The following WFS1 variants were observed in gnomAD, a reference collection of about 807,000 sequenced individuals.
The protein encoded by WFS1 is wolframin ER transmembrane glycoprotein.
WFS1 carries 90 observed loss-of-function variants against 68.5 expected under a neutral mutation model. The ratio of observed to expected loss-of-function variants is 1.31; its 90% CI spans 1.11 to 1.56. WFS1 has a LOEUF of 1.56. WFS1 is among the 40% of genes most tolerant of loss of function. The pLI, the probability that WFS1 is intolerant of heterozygous loss-of-function variation, is 0.00. For synonymous variants in WFS1, 860 were observed against 540.7 expected, an observed-to-expected ratio of 1.59 and a Z score of -8.19; for missense variants, 1,767 against 1,232.6, an observed-to-expected ratio of 1.43 and a Z score of -6.49.
rs1730043926 is a variant in WFS1 at position 6,277,801 on chromosome 4, T to C, written c.232+114T>C. On this transcript the variant is annotated intron_variant, in intron 2 of 7. Coordinates refer to ENST00000226760, the MANE Select transcript of WFS1 (RefSeq NM_006005.3). Reference sequence around the variant, plus strand: ...CGCCAGGTCCTCTGCAGTTCAGCATTGTGCAGCTCCCATGCTGTGCACAGG... The same window carrying C: ...CGCCAGGTCCTCTGCAGTTCAGCATCGTGCAGCTCCCATGCTGTGCACAGG... 5.8e-6 allele frequency: 7 copies of C among 1,207,556 alleles called. No individual in the cohort carries two copies. The Admixed American group carries it at 9.9e-5, about 17-fold the overall frequency. The allele number at this position is 1,207,556 out of a possible 1,614,324, so 74.8% of individuals were successfully genotyped here. A position where few individuals can be genotyped will look rare whatever the true frequency, so the allele number is the denominator to read the frequency against.
At chr4:6,291,550 G>A (rs1730465383) in intron 5 of WFS1, among the ~76,000 whole-genome samples, 183 bp downstream of exon 5, 1 of 152,194 alleles carries the variant, frequency 6.6e-6, no homozygotes, top group African/African-American at 2.4e-5. Context: ...CCTTCCTGTA[G>A]AGACCGTGCC....
chr4:6,292,062 C>T, intron 6 of WFS1, 65 bp downstream of exon 6: 1 of 1,494,060 alleles, frequency 6.7e-7, no homozygotes, highest in South Asian at 1.2e-5. Flanking sequence ...GCGACCTCTC[C>T]TTCCTGTGCG....
chr4:6,275,549 G>C (rs536752995), intron 1 of WFS1, among the ~76,000 whole-genome samples: 5 of 140,490 alleles, frequency 3.6e-5, no homozygotes, highest in African/African-American at 1.1e-4. Context: ...ATGCACCCGG[G>C]GGTGCTTGAC....
At position 6,291,234 on chromosome 4, in the gene WFS1, C is replaced by T. The variant is rs758731318; in HGVS notation, c.498C>T (p.Leu166=). The change falls in exon 5 of 8, where the codon CTC becomes CTT. Residue 166 remains leucine (L), a synonymous_variant. Coordinates refer to ENST00000226760, the MANE Select transcript of WFS1 (RefSeq NM_006005.3). The part of the protein sequence containing the change: ...TSENEREVRQ[L]SSETDLERAV... Reference sequence around the variant, plus strand: ...AGAACGAACGGGAGGTGAGGCAGCTCTCCTCCGAGACCGACCTGGAGAGGG... The same window carrying T: ...AGAACGAACGGGAGGTGAGGCAGCTTTCCTCCGAGACCGACCTGGAGAGGG... 1.2e-6 allele frequency: 2 copies of T among 1,613,078 alleles called. No homozygotes were observed. Among genetic ancestry groups the T allele is most frequent in the South Asian group, 1.1e-5 (1 of 91,060 alleles).
At chr4:6,270,977 C>T (rs944853993) in intron 1 of WFS1, among the ~76,000 whole-genome samples, 6 of 152,212 alleles carry the variant, frequency 3.9e-5, no homozygotes, top group Non-Finnish European at 5.9e-5. Flanking sequence ...CCCCGTCTCT[C>T]CTCACCTTGG....
intron 2 of WFS1, among the ~76,000 whole-genome samples, chr4:6,278,297 G>T (rs576104871): frequency 3.9e-5 from 6 of 152,220 alleles, no homozygotes; most frequent in African/African-American, 1.4e-4. Context: ...AGGCTTGTTG[G>T]TTCCTGGGTG....
At chr4:6,294,987 G>A in intron 6 of WFS1, 54 bp from the exon 7 acceptor site, 2 of 1,612,166 alleles carry the variant, frequency 1.2e-6, no homozygotes, top group Non-Finnish European at 1.7e-6. Context: ...CTGTGTGAGG[G>A]TGGCAGTGGG....
chr4:6,291,443 G>A, intron 5 of WFS1, 76 bp downstream of exon 5: 1 of 1,557,348 alleles, frequency 6.4e-7, no homozygotes, highest in Non-Finnish European at 8.7e-7. Flanking sequence ...TTCCCATAGG[G>A]GCTGGGACCT....
chr4:6,276,547 G>A (rs1285265767), intron 1 of WFS1, among the ~76,000 whole-genome samples: 1 of 152,076 alleles, frequency 6.6e-6, no homozygotes, highest in Admixed American at 6.5e-5. Context: ...CTGGGGTGGG[G>A]GCTGTGGAGC....
At chr4:6,292,617 C>T (rs989703291) in intron 6 of WFS1, among the ~76,000 whole-genome samples, 9 of 152,200 alleles carry the variant, frequency 5.9e-5, no homozygotes, top group East Asian at 5.8e-4. Context: ...CTTCCATCCA[C>T]GTGGGGTAGA....
In WFS1 at chr4:6,302,278, T is replaced by G; in HGVS notation, c.2483T>G (p.Ile828Ser). 1 of 1,605,916 alleles carries G rather than the reference T, an allele frequency of 6.2e-7. No homozygotes were observed. The highest frequency in any genetic ancestry group is 1.1e-5 in the South Asian group (1 of 90,918). ...GGCAGCCTCATCGAGTTCAGCACCA[T>G]CCTGGAGGGCCGCCTGGGCAGCAAG... ...RQGSLIEFST[I>S]LEGRLGSKWP... The change falls in exon 8 of 8, where the codon ATC becomes AGC. Residue 828 changes from isoleucine to serine, a missense_variant. By Grantham distance (142) the Ile-to-Ser change is moderately radical (BLOSUM62 -2). Coordinates refer to ENST00000226760, the MANE Select transcript of WFS1 (RefSeq NM_006005.3).
At chr4:6,299,214 C>G (rs982536209) in intron 7 of WFS1, among the ~76,000 whole-genome samples, 1 of 152,242 alleles carries the variant, frequency 6.6e-6, no homozygotes, top group Non-Finnish European at 1.5e-5. Context: ...GGCATGAGGG[C>G]TGGCCCTGGG....
chr4:6,294,368 T>G (rs1730564614), intron 6 of WFS1, among the ~76,000 whole-genome samples: 1 of 151,786 alleles, frequency 6.6e-6, no homozygotes, highest in Non-Finnish European at 1.5e-5. Flanking sequence ...AGGCTCTTGG[T>G]GGAAGATGTT....
At position 6,301,030 on chromosome 4, in the gene WFS1, T is replaced by C. The variant is rs144951440; in HGVS notation, c.1235T>C (p.Val412Ala). 2.6e-4 allele frequency: 421 copies of C among 1,614,094 alleles called. 1 individual carries two copies. The East Asian group carries it at 8.7e-3, about 33-fold the overall frequency. Residue 412 changes from valine to alanine, a missense_variant, in exon 8 of 8, where the codon GTC becomes GCC. Physicochemically the swap from Val to Ala is moderately conservative, Grantham distance 64 (BLOSUM62 0). Coordinates refer to ENST00000226760, the MANE Select transcript of WFS1 (RefSeq NM_006005.3). Reference sequence around the variant, plus strand: ...CCCTATGCCCATTTCCTGCTCTCTGTCTTCTTCGTCATCTTCTCCTTCCCC... The same window carrying C: ...CCCTATGCCCATTTCCTGCTCTCTGCCTTCTTCGTCATCTTCTCCTTCCCC... ...LEPYAHFLLS[V>A]FFVIFSFPIA...
At chr4:6,271,626 A>G (rs2109104190) in intron 1 of WFS1, among the ~76,000 whole-genome samples, 1 of 151,794 alleles carries the variant, frequency 6.6e-6, no homozygotes, top group African/African-American at 2.4e-5. Flanking sequence ...CACAAACCAG[A>G]CCACCCCCTG....
At chr4:6,289,169 T>C in intron 4 of WFS1, 38 bp downstream of exon 4, 4 of 1,546,700 alleles carry the variant, frequency 2.6e-6, no homozygotes, top group Non-Finnish European at 3.5e-6. Flanking sequence ...CTCTGGAGGG[T>C]TGAGCAGCTT....
rs779148071 is a variant in WFS1 at position 6,301,206 on chromosome 4, C to T, written c.1411C>T (p.Leu471=). Residue 471 remains leucine, a synonymous_variant, in exon 8 of 8, where the codon CTG becomes TTG. Coordinates refer to ENST00000226760, the MANE Select transcript of WFS1 (RefSeq NM_006005.3). ...GGTCACCGCCGGCCTGCTATCGCTG[C>T]TGCCCTCCATGCCCTTGAATTGGCC... ...TEVTAGLLSL[L]PSMPLNWPYL... 1.9e-6 allele frequency: 3 copies of T among 1,612,256 alleles called. No individual in the cohort carries two copies. Among genetic ancestry groups the T allele is most frequent in the Admixed American group, 3.3e-5 (2 of 60,034 alleles).
intron 6 of WFS1, among the ~76,000 whole-genome samples, chr4:6,293,384 C>T (rs1359327338): frequency 6.6e-6 from 1 of 152,184 alleles, no homozygotes; most frequent in African/African-American, 2.4e-5. Context: ...ACGTTCCCAT[C>T]AGGCATCATC....
chr4:6,302,384 C>T lies in WFS1; in HGVS notation c.2589C>T (p.Ile863=), dbSNP rs71524393. Residue 863 remains isoleucine (I), a synonymous_variant, in exon 8 of 8, where the codon ATC becomes ATT. Coordinates refer to ENST00000226760, the MANE Select transcript of WFS1 (RefSeq NM_006005.3). ...QLSPTRRHVK[I]EHDWRSTVHG... ...CACCCACCAGGCGGCACGTGAAGAT[C>T]GAGCACGACTGGCGCAGCACCGTGC... 123 of 1,613,050 alleles carry T rather than the reference C, an allele frequency of 7.6e-5. No individual in the cohort carries two copies. The highest frequency in any genetic ancestry group is 9.6e-5 in the Non-Finnish European group (113 of 1,180,000).
Sources: gnomAD v4.1 joint callset for allele counts (sites outside exome capture counted in the v4.1 genomes callset) on GRCh38, gnomAD v4.1.1 for gene constraint, MANE v1.5 for transcripts, NCBI Gene and HGNC (gene_info 2026-07-23, HGNC 2026-07-21) for gene names.